CEP120: variants seen among roughly 807,000 people sequenced by gnomAD.
CEP120 encodes the protein centrosomal protein of 120 kDa.
In CEP120, 113 loss-of-function variants were observed where a neutral mutation model predicts 126.5. That is an observed-to-expected ratio of 0.89 (90% confidence interval 0.77 to 1.04). The LOEUF (loss-of-function observed/expected upper bound fraction) is 1.04. CEP120 is among the 50% of genes least tolerant of loss of function. The probability of loss-of-function intolerance (pLI) is 0.00; values close to 1 mark genes in which losing one functional copy is unlikely to be tolerated. For synonymous variants in CEP120, 400 were observed against 394.3 expected (o/e 1.01, Z -0.17); for missense variants, 1,230 against 1,155.7 (o/e 1.06, Z -0.93).
intron 19 of CEP120, 37 bp from the exon 20 acceptor site, chr5:123,346,790 T>C: frequency 7.0e-7 from 1 of 1,435,204 alleles, no homozygotes; most frequent in Non-Finnish European, 9.3e-7. Flanking sequence ...GTAGCAACTG[T>C]GTTGGTTTTC....
intron 1 of CEP120, among the ~76,000 whole-genome samples, chr5:123,419,197 TCAA>T (rs977548672): frequency 1.8e-4 from 27 of 152,322 alleles, no homozygotes; most frequent in African/African-American, 6.5e-4. Context: ...AGGAATGATC[TCAA>T]CAACATCTGG....
At position 123,423,307 on chromosome 5, in the gene CEP120, C is replaced by A; in HGVS notation, c.-309G>T. On this transcript the variant is annotated 5_prime_UTR_variant, in exon 1 of 20. Coordinates refer to ENST00000306467, the MANE Select transcript of CEP120 (RefSeq NM_001375405.1). Reference sequence around the variant, plus strand: ...TTTTGCCGCCTGCGTAGCCGCTTTTCAAACGCCCGGGCGGCCGCAGCGGCC... The same window carrying A: ...TTTTGCCGCCTGCGTAGCCGCTTTTAAAACGCCCGGGCGGCCGCAGCGGCC... 1 of 401,556 alleles carries A rather than the reference C, an allele frequency of 2.5e-6. No individual in the cohort carries two copies. 24.9% of individuals were successfully genotyped at this position (401,556 alleles called of 1,614,324 possible).
intron 2 of CEP120, among the ~76,000 whole-genome samples, 188 bp from the exon 3 acceptor site, chr5:123,416,312 C>T (rs956948758): frequency 4.6e-5 from 7 of 152,270 alleles, no homozygotes; most frequent in Non-Finnish European, 7.4e-5. Context: ...CCTGTAATCC[C>T]AGCACTTTGG....
At chr5:123,363,683 G>A (rs998344453) in intron 18 of CEP120, among the ~76,000 whole-genome samples, 1 of 151,430 alleles carries the variant, frequency 6.6e-6, no homozygotes, top group Non-Finnish European at 1.5e-5. Context: ...AGTACTCCAT[G>A]AAAGTGGTAA....
intron 16 of CEP120, among the ~76,000 whole-genome samples, chr5:123,374,816 T>C (rs1429954804): frequency 1.3e-5 from 2 of 152,140 alleles, no homozygotes; most frequent in Admixed American, 1.3e-4. Flanking sequence ...AATATTAAAT[T>C]TGGTAGTTTC....
rs1287244706 is a variant in CEP120 at position 123,385,011 on chromosome 5, T to C, written c.1703A>G (p.Asn568Ser). The change falls in exon 11 of 20, where the codon AAT (asparagine) becomes AGT (serine). Residue 568 changes from asparagine to serine, a missense_variant. Physicochemically the swap from Asn to Ser is conservative, Grantham distance 46 (BLOSUM62 1). Coordinates refer to ENST00000306467, the MANE Select transcript of CEP120 (RefSeq NM_001375405.1). Reference sequence around the variant, plus strand: ...AGTTTGACGCCAACACTGTTCACCATTAGAACCTAAAAAACGAGTTTTTTC... The same window carrying C: ...AGTTTGACGCCAACACTGTTCACCACTAGAACCTAAAAAACGAGTTTTTTC... ...SSEKTRFLGS[N>S]GEQCWRQTYS... The C allele has an allele frequency of 3.1e-6, 5 of 1,613,748 alleles. No individual in the cohort carries two copies. The highest frequency in any genetic ancestry group is 4.2e-6 in the Non-Finnish European group (5 of 1,179,792).
At chr5:123,384,533 A>G (rs1162785059) in intron 11 of CEP120, among the ~76,000 whole-genome samples, 1 of 152,138 alleles carries the variant, frequency 6.6e-6, no homozygotes, top group Non-Finnish European at 1.5e-5. Flanking sequence ...CAGACTTTTG[A>G]TTTGGGGTAG....
At chr5:123,374,187 T>A (rs1388520777) in intron 16 of CEP120, among the ~76,000 whole-genome samples, 2 of 152,014 alleles carry the variant, frequency 1.3e-5, no homozygotes, top group Non-Finnish European at 2.9e-5. Context: ...GATTATTTGG[T>A]TCAATTCCTT....
chr5:123,401,734 A>C, intron 4 of CEP120: 1 of 1,210,678 alleles, frequency 8.3e-7, no homozygotes, highest in Non-Finnish European at 1.2e-6. Flanking sequence ...TGTTAATGTA[A>C]GCTTCATCCA....
intron 5 of CEP120, 148 bp downstream of exon 5, chr5:123,398,988 C>A: frequency 3.9e-6 from 2 of 515,880 alleles, no homozygotes; most frequent in South Asian, 8.6e-5. Context: ...GTTTTCTTTC[C>A]AGTATGAAAG....
In CEP120 at chr5:123,385,114, G is replaced by T; in HGVS notation, c.1600C>A (p.Leu534Ile). Residue 534 changes from leucine to isoleucine, a missense_variant, in exon 11 of 20, where the codon CTA becomes ATA. Coordinates refer to ENST00000306467, the MANE Select transcript of CEP120 (RefSeq NM_001375405.1). Reference protein sequence around the residue: ...TFLRIPLLVELWHKDKMSKDL... With the variant: ...TFLRIPLLVEIWHKDKMSKDL... The stretch of plus-strand genomic sequence containing the variant: ...TTACTCATTTTATCCTTGTGCCATA[G>T]TTCAACCAGTAATGGAATCCTAAGG... 6.2e-7 allele frequency: 1 copy of T among 1,612,562 alleles called. No homozygotes were observed. Among genetic ancestry groups the T allele is most frequent in the South Asian group, 1.1e-5 (1 of 90,928 alleles).
upstream of CEP120, chr5:123,423,675 A>T (rs1417438972): frequency 6.6e-6 from 1 of 152,264 alleles, no homozygotes; most frequent in Non-Finnish European, 1.5e-5. Flanking sequence ...CCTGAGAGTT[A>T]TATTAGTGGG....
intron 4 of CEP120, among the ~76,000 whole-genome samples, chr5:123,409,639 G>T (rs1773906746): frequency 6.6e-6 from 1 of 152,062 alleles, no homozygotes; most frequent in Admixed American, 6.6e-5. Context: ...AAAAATATGT[G>T]GAAAGAATCA....
rs138207387 is a variant in CEP120, at chr5:123,376,152, T to A, written c.2358+1222A>T. Among the ~76,000 whole-genome samples the A allele has an allele frequency of 1.6e-3, 241 of 152,180 alleles. 1 individual carries two copies. Among genetic ancestry groups the A allele is most frequent in the African/African-American group, 5.7e-3 (235 of 41,532 alleles). On this transcript the variant is annotated intron_variant, in intron 16 of 19. Coordinates refer to ENST00000306467, the MANE Select transcript of CEP120 (RefSeq NM_001375405.1). ...TAATGAAAATAAAAACAAACCGATA[T>A]GACATATCATAAAGAAAAAGAACAG...
At chr5:123,370,722 TAC>T (rs1419147265) in intron 17 of CEP120, among the ~76,000 whole-genome samples, 13 of 147,952 alleles carry the variant, frequency 8.8e-5, no homozygotes, top group African/African-American at 3.2e-4. Flanking sequence ...TATACATACA[TAC>T]ACACATATAT....
In CEP120 at chr5:123,345,343, C is replaced by T. The variant is rs533053745; in HGVS notation, c.*1176G>A. 1.2e-4 allele frequency: 18 copies of T among 151,852 alleles called. No homozygotes were observed. Among genetic ancestry groups the T allele is most frequent in the East Asian group, 9.7e-4 (5 of 5,176 alleles). 9.4% of individuals were successfully genotyped at this position (151,852 alleles called of 1,614,324 possible). ...AGAAATATACCTCATTTGAAATGAC[C>T]GAAAATTAATGTTACCATATATCCT... On this transcript the variant is annotated 3_prime_UTR_variant, in exon 20 of 20. Coordinates refer to ENST00000306467, the MANE Select transcript of CEP120 (RefSeq NM_001375405.1).
At chr5:123,422,434 C>A (rs969178260) in intron 1 of CEP120, 2 of 1,314,056 alleles carry the variant, frequency 1.5e-6, no homozygotes, top group African/African-American at 2.9e-5. Flanking sequence ...TCAATGAGTC[C>A]CAATAAACCA....
chr5:123,414,004 G>A (rs985742588), intron 3 of CEP120, among the ~76,000 whole-genome samples: 2 of 152,102 alleles, frequency 1.3e-5, no homozygotes, highest in Non-Finnish European at 2.9e-5. Flanking sequence ...TATTTATGCT[G>A]ACAAACAGGA....
chr5:123,418,305 A>T, intron 2 of CEP120, 54 bp downstream of exon 2: 1 of 1,466,964 alleles, frequency 6.8e-7, no homozygotes, highest in Non-Finnish European at 9.2e-7. Context: ...TTTATTTATA[A>T]CAGCCTGAAA....
Sources: allele counts gnomAD v4.1 joint callset (sites outside exome capture counted in the v4.1 genomes callset), GRCh38; gene constraint gnomAD v4.1.1; transcripts MANE v1.5; gene names NCBI Gene and HGNC (gene_info 2026-07-23, HGNC 2026-07-21).